Variants in HIVEP3 observed in about 807,000 individuals in gnomAD.
HIVEP3 encodes transcription factor HIVEP3.
HIVEP3 carries 49 observed loss-of-function variants against 152.8 expected under a neutral mutation model. The ratio of observed to expected loss-of-function variants is 0.32; its 90% CI spans 0.26 to 0.41. The LOEUF (loss-of-function observed/expected upper bound fraction) is 0.41. Among genes scored for constraint, HIVEP3 ranks in the 10% least tolerant of loss-of-function variants. The pLI is 1.00. For synonymous variants in HIVEP3, 1,269 were observed against 1,289.0 expected (o/e 0.98, Z 0.33); for missense variants, 2,790 against 3,103.3 (o/e 0.90, Z 2.40).
chr1:41,978,581 T>C (rs1557547489), intron 1 of HIVEP3, among the ~76,000 whole-genome samples: 1 of 152,150 alleles, frequency 6.6e-6, no homozygotes, highest in Non-Finnish European at 1.5e-5. Context: ...AGAAAATGGA[T>C]TTCCGTTGTT....
chr1:41,770,020 G>A (rs1026809438), intron 1 of HIVEP3, among the ~76,000 whole-genome samples: 19 of 152,178 alleles, frequency 1.2e-4, no homozygotes, highest in African/African-American at 4.1e-4. Flanking sequence ...CCAGGCTGGA[G>A]TGCAGTGGCA....
At chr1:41,831,892 T>C (rs1383860515) in intron 1 of HIVEP3, among the ~76,000 whole-genome samples, 1 of 151,808 alleles carries the variant, frequency 6.6e-6, no homozygotes, top group African/African-American at 2.4e-5. Context: ...CACCTTGGAG[T>C]TAAGGACACA....
chr1:41,646,313 C>A (rs1460241214), intron 2 of HIVEP3, among the ~76,000 whole-genome samples: 1 of 152,208 alleles, frequency 6.6e-6, no homozygotes, highest in African/African-American at 2.4e-5. Context: ...CAGGGGCAAA[C>A]CCCAGGCACC....
chr1:41,872,779 T>G (rs1000747106), intron 1 of HIVEP3, among the ~76,000 whole-genome samples: 4 of 152,244 alleles, frequency 2.6e-5, no homozygotes, highest in Admixed American at 2.6e-4. Context: ...GGACTGCAAG[T>G]TGCTTATCCA....
At chr1:42,017,465 T>TA (rs1290675686) in intron 1 of HIVEP3, among the ~76,000 whole-genome samples, 1 of 152,104 alleles carries the variant, frequency 6.6e-6, no homozygotes, top group Non-Finnish European at 1.5e-5. Flanking sequence ...TAATTCCCGC[T>TA]TCTAGTCATT....
rs1411280316 is a variant in HIVEP3, at chr1:41,947,410, G to A, written n.120-28886C>T. Among the ~76,000 whole-genome samples, 3 of 152,198 alleles carry A rather than the reference G, an allele frequency of 2.0e-5. No homozygotes were observed. In the East Asian group the frequency reaches 5.8e-4, roughly 29 times the overall value. On this transcript the variant is annotated intron_variant and non_coding_transcript_variant, in intron 1 of 3. Transcript: ENST00000489103. ...GACACCAGGGCCCTCAGTGAGGACT[G>A]TATCCAGCCCATACTGGCTTATCCT...
chr1:41,956,708 A>G (rs1645142280), intron 1 of HIVEP3, among the ~76,000 whole-genome samples: 1 of 152,234 alleles, frequency 6.6e-6, no homozygotes, highest in Non-Finnish European at 1.5e-5. Flanking sequence ...AAGAGACAGG[A>G]GCCCAAGTTA....
chr1:42,023,581 G>A (rs2124536607), intron 1 of HIVEP3, among the ~76,000 whole-genome samples: 1 of 152,164 alleles, frequency 6.6e-6, no homozygotes, highest in East Asian at 1.9e-4. Flanking sequence ...CATCCACTTG[G>A]TGCTGTTCTC....
In HIVEP3 at chr1:41,851,417, C is replaced by T. The variant is rs951047020; in HGVS notation, c.-801+66996G>A. Among the ~76,000 whole-genome samples, 4 of 149,366 alleles carry T rather than the reference C, an allele frequency of 2.7e-5. No individual in the cohort carries two copies. In the Admixed American group the frequency reaches 2.7e-4, roughly 10 times the overall value. ...TCCTGGATTCAAGCAATTCTCCTGC[C>T]TCAGACTCCCAAGTAGCTGGGTCTA... On this transcript the variant is annotated intron_variant, in intron 1 of 8. Coordinates refer to ENST00000372583, the MANE Select transcript of HIVEP3 (RefSeq NM_024503.5).
chr1:41,581,664 A>C lies in HIVEP3; in HGVS notation c.3134T>G (p.Leu1045Trp). Residue 1045 changes from leucine to tryptophan, a missense_variant, in exon 4 of 9, where the codon TTG (leucine) becomes TGG (tryptophan). This residue lies in a region of HIVEP3 where 1,078 missense variants were observed against 1,165.3 expected (regional missense o/e 0.93). Transcript: ENST00000372583. The surrounding 1 kb of genome is among the most constrained non-coding windows in gnomAD (Gnocchi z 4.5). ...VAPPERRKCF[L>W]VRQASLSRPP... ...CCTGCTCAGAGAGGCCTGTCTCACC[A>C]AGAAGCATTTTCTTCTCTCTGGCGG... The C allele has an allele frequency of 6.2e-7, 1 of 1,614,140 alleles. No individual in the cohort carries two copies. Among genetic ancestry groups the C allele is most frequent in the Non-Finnish European group, 8.5e-7 (1 of 1,180,026 alleles).
At chr1:41,717,829 G>T (rs1646617049) in intron 1 of HIVEP3, among the ~76,000 whole-genome samples, 2 of 152,184 alleles carry the variant, frequency 1.3e-5, no homozygotes, top group Non-Finnish European at 2.9e-5. Flanking sequence ...GATGGACATT[G>T]ACTGTAGGGG....
chr1:41,588,302 CA>C (rs1644535317), intron 3 of HIVEP3, among the ~76,000 whole-genome samples: 1 of 152,142 alleles, frequency 6.6e-6, no homozygotes, highest in South Asian at 2.1e-4. Context: ...AGAGCAGCCC[CA>C]AAACACCAGC....
intron 2 of HIVEP3, among the ~76,000 whole-genome samples, chr1:41,631,345 C>A (rs1345099679): frequency 4.6e-5 from 7 of 152,150 alleles, no homozygotes; most frequent in African/African-American, 1.7e-4. Flanking sequence ...CCTTCCAGGG[C>A]CCGTACTTTA....
rs71065103 is a variant in HIVEP3, at chr1:41,897,938, G to GGAGAGAGAGA, written c.-801+20465_-801+20474dup. 1.4e-3 allele frequency among the ~76,000 whole-genome samples: 188 copies of GGAGAGAGAGA among 130,038 alleles called. 2 individuals are homozygous for GGAGAGAGAGA. The highest frequency in any genetic ancestry group is 0.013 in the Middle Eastern group (3 of 236). The allele number at this position is 130,038 out of a possible 152,430, so 85.3% of individuals were successfully genotyped here. Reference sequence around the variant, plus strand: ...GTAGAAGGAAAGACCTGAGAGAGAGGGAGAGAGAGAGAGAGAGAGAGAGAG... The same window carrying GGAGAGAGAGA: ...GTAGAAGGAAAGACCTGAGAGAGAGGGAGAGAGAGAGAGAGAGAGAGAGAGAGAGAGAGAG... On this transcript the variant is annotated intron_variant, in intron 1 of 8. Coordinates refer to ENST00000372583, the MANE Select transcript of HIVEP3 (RefSeq NM_024503.5).
intron 1 of HIVEP3, among the ~76,000 whole-genome samples, chr1:41,860,995 T>G (rs1643880500): frequency 6.6e-6 from 1 of 152,162 alleles, no homozygotes; most frequent in Admixed American, 6.5e-5. Flanking sequence ...GGCAACGTGA[T>G]TAAAATCCCG....
intron 1 of HIVEP3, among the ~76,000 whole-genome samples, chr1:41,774,239 G>A (rs759833206): frequency 6.6e-5 from 10 of 152,214 alleles, no homozygotes; most frequent in South Asian, 2.1e-4. Context: ...GAAGGCATAC[G>A]GGGCCTTCAG....
chr1:41,717,344 T>C (rs1646610544), intron 1 of HIVEP3, among the ~76,000 whole-genome samples: 1 of 152,258 alleles, frequency 6.6e-6, no homozygotes, highest in African/African-American at 2.4e-5. Flanking sequence ...TCCTGTCCTC[T>C]TGGAACTTAA....
chr1:41,895,940 A>G (rs1472492176), intron 1 of HIVEP3, among the ~76,000 whole-genome samples: 1 of 152,248 alleles, frequency 6.6e-6, no homozygotes, highest in Non-Finnish European at 1.5e-5. Flanking sequence ...TTAAAATAAT[A>G]TATAATTCAC....
intron 2 of HIVEP3, among the ~76,000 whole-genome samples, chr1:41,638,576 A>C (rs1048702845): frequency 6.6e-6 from 1 of 152,216 alleles, no homozygotes; most frequent in African/African-American, 2.4e-5. Flanking sequence ...AAAAATTGAG[A>C]AACTGATATA....
Sources: allele counts gnomAD v4.1 joint callset (sites outside exome capture counted in the v4.1 genomes callset), GRCh38; gene constraint gnomAD v4.1.1; regional missense constraint gnomAD v4.1.1; non-coding constraint Gnocchi (gnomAD v3.1); transcripts MANE v1.5; gene names NCBI Gene and HGNC (gene_info 2026-07-23, HGNC 2026-07-21).